SH3GL2: variants seen among roughly 807,000 people sequenced by gnomAD.
SH3GL2 encodes the protein SH3 domain containing GRB2 like 2, endophilin A1, also known as endophilin-A1.
In SH3GL2, 24 loss-of-function variants were observed where a neutral mutation model predicts 46.0. The observed-to-expected ratio is 0.52, with a 90% CI of 0.38 to 0.73. The LOEUF (loss-of-function observed/expected upper bound fraction) is 0.73. Among genes scored for constraint, SH3GL2 ranks in the 30% least tolerant of loss-of-function variants. SH3GL2 has a pLI of 0.00. For missense variants in SH3GL2, 413 were observed against 424.2 expected (o/e 0.97, Z 0.23); for synonymous variants, 196 against 147.1 (o/e 1.33, Z -2.40).
At chr9:17,639,471 C>T (rs1359318243) in intron 1 of SH3GL2, among the ~76,000 whole-genome samples, 1 of 152,104 alleles carries the variant, frequency 6.6e-6, no homozygotes, top group Admixed American at 6.5e-5. Flanking sequence ...ATTAAAGCCA[C>T]AATGCGATAC....
chr9:17,733,050 C>G (rs1822225640), intron 1 of SH3GL2, among the ~76,000 whole-genome samples: 1 of 152,072 alleles, frequency 6.6e-6, no homozygotes. Flanking sequence ...CTCTTCAGCA[C>G]AAGTGTGTAC....
chr9:17,716,496 T>C (rs1232537889), intron 1 of SH3GL2, among the ~76,000 whole-genome samples: 3 of 152,170 alleles, frequency 2.0e-5, no homozygotes, highest in East Asian at 1.9e-4. Context: ...AGGTCAATTA[T>C]AAGGTTTTCC....
In SH3GL2 at chr9:17,747,146, C is replaced by G. The variant is rs1357464731; in HGVS notation, c.114+12C>G. The G allele has an allele frequency of 1.9e-6, 3 of 1,564,436 alleles. No individual in the cohort carries two copies. The highest frequency in any genetic ancestry group is 2.6e-6 in the Non-Finnish European group (3 of 1,137,390). On this transcript the variant is annotated intron_variant, in intron 2 of 8. Coordinates refer to ENST00000380607, the MANE Select transcript of SH3GL2 (RefSeq NM_003026.5). ...AAGAGATGGAAAGGGTAAGCCTTCA[C>G]TACTGCCTAGTGTTCCCTTTGACAT...
chr9:17,754,418 A>G (rs1199227943), intron 2 of SH3GL2, among the ~76,000 whole-genome samples: 1 of 152,140 alleles, frequency 6.6e-6, no homozygotes, highest in Non-Finnish European at 1.5e-5. Context: ...TCACGCCTGT[A>G]ATCCCAGCAC....
At chr9:17,754,596 C>A (rs1347119737) in intron 2 of SH3GL2, among the ~76,000 whole-genome samples, 1 of 152,096 alleles carries the variant, frequency 6.6e-6, no homozygotes, top group Non-Finnish European at 1.5e-5. Context: ...TGGCTTGAAC[C>A]CAGGAGGTGG....
chr9:17,653,106 A>G (rs1819994138), intron 1 of SH3GL2, among the ~76,000 whole-genome samples: 1 of 152,150 alleles, frequency 6.6e-6, no homozygotes, highest in Non-Finnish European at 1.5e-5. Flanking sequence ...CCAATCTGAA[A>G]AGTCTTTCTT....
chr9:17,783,087 C>G (rs533938996), intron 3 of SH3GL2, among the ~76,000 whole-genome samples: 38 of 152,212 alleles, frequency 2.5e-4, no homozygotes, highest in African/African-American at 8.4e-4. Flanking sequence ...AATATTTTCC[C>G]CAGTATCCAG....
At chr9:17,615,205 T>C (rs1394558323) in intron 1 of SH3GL2, among the ~76,000 whole-genome samples, 6 of 152,226 alleles carry the variant, frequency 3.9e-5, no homozygotes, top group Non-Finnish European at 8.8e-5. Flanking sequence ...GGGTGAGATA[T>C]GGACCTTTCT....
chr9:17,654,880 T>C (rs2134673247), intron 1 of SH3GL2, among the ~76,000 whole-genome samples: 1 of 152,228 alleles, frequency 6.6e-6, no homozygotes, highest in Non-Finnish European at 1.5e-5. Context: ...ATGTAGACAT[T>C]TTCCATCTAA....
At chr9:17,780,505 G>T in intron 3 of SH3GL2, among the ~76,000 whole-genome samples, 1 of 144,318 alleles carries the variant, frequency 6.9e-6, no homozygotes, top group Non-Finnish European at 1.5e-5. Context: ...TATACTCTAA[G>T]TTTTAGGGTA....
intron 2 of SH3GL2, among the ~76,000 whole-genome samples, chr9:17,756,204 ATAG>A (rs765277072): frequency 2.8e-4 from 42 of 152,358 alleles, no homozygotes; most frequent in Admixed American, 5.2e-4. Flanking sequence ...GTGCAGTAAA[ATAG>A]TAGTCTCATT....
intron 1 of SH3GL2, among the ~76,000 whole-genome samples, chr9:17,637,296 G>A (rs1357398905): frequency 6.6e-6 from 1 of 152,138 alleles, no homozygotes; most frequent in Non-Finnish European, 1.5e-5. Context: ...GGAAATGGTT[G>A]GAATATGACC....
rs547940212 is a variant in SH3GL2, at chr9:17,748,863, A to G, written c.114+1729A>G. Among the ~76,000 whole-genome samples, 75 of 152,330 alleles carry G rather than the reference A, an allele frequency of 4.9e-4. 2 individuals are homozygous for G. In the South Asian group the frequency reaches 0.015, roughly 30 times the overall value. On this transcript the variant is annotated intron_variant, in intron 2 of 8. Transcript: ENST00000380607. The stretch of plus-strand genomic sequence containing the variant: ...CCTGATAGTTAAGTGAAGATGGGAA[A>G]GAGTTAGCAGAGCCTGGTAAAGGAA...
intron 8 of SH3GL2, 139 bp downstream of exon 8, chr9:17,793,636 T>G (rs1824196136): frequency 2.6e-6 from 2 of 764,666 alleles, no homozygotes; most frequent in Non-Finnish European, 4.2e-6. Flanking sequence ...AGTTGTCAGG[T>G]AGAAACTCTG....
At chr9:17,688,172 G>C (rs1820973946) in intron 1 of SH3GL2, among the ~76,000 whole-genome samples, 1 of 152,042 alleles carries the variant, frequency 6.6e-6, no homozygotes, top group Non-Finnish European at 1.5e-5. Context: ...TCATGTCGAG[G>C]TGTACCAAGA....
At chr9:17,718,679 G>T (rs1445615810) in intron 1 of SH3GL2, among the ~76,000 whole-genome samples, 1 of 152,142 alleles carries the variant, frequency 6.6e-6, no homozygotes, top group African/African-American at 2.4e-5. Context: ...GAAGTTAGTT[G>T]TGATCATGCC....
At chr9:17,763,770 C>G (rs1332456895) in intron 3 of SH3GL2, among the ~76,000 whole-genome samples, 1 of 152,152 alleles carries the variant, frequency 6.6e-6, no homozygotes, top group Non-Finnish European at 1.5e-5. Flanking sequence ...ATTTAAGGAA[C>G]TTTCCCATTC....
rs36079244 is a variant in SH3GL2, at chr9:17,656,770, CAAA to C, written c.45+77498_45+77500del. 1.6e-3 allele frequency among the ~76,000 whole-genome samples: 165 copies of C among 101,554 alleles called. 6 individuals carry two copies. In the East Asian group the frequency reaches 0.041, roughly 25 times the overall value. 66.6% of individuals were successfully genotyped at this position (101,554 alleles called of 152,430 possible). ...TGGGCGACAGAGTGAGACTACATCT[CAAA>C]AAAAAAAAAAAAAACAAAAAAGGCT... On this transcript the variant is annotated intron_variant, in intron 1 of 8. Transcript: ENST00000380607.
intron 3 of SH3GL2, among the ~76,000 whole-genome samples, chr9:17,782,773 AT>A (rs1823847482): frequency 6.6e-6 from 1 of 151,936 alleles, no homozygotes; most frequent in Admixed American, 6.6e-5. Context: ...AAAAATTAAA[AT>A]GTTTAAATGA....
Sources: allele counts gnomAD v4.1 joint callset (sites outside exome capture counted in the v4.1 genomes callset), GRCh38; gene constraint gnomAD v4.1.1; transcripts MANE v1.5; gene names NCBI Gene and HGNC (gene_info 2026-07-23, HGNC 2026-07-21).